The following PRSS23 variants were observed in gnomAD, a reference collection of about 807,000 sequenced individuals.
PRSS23 encodes protease, serine 23.
PRSS23 carries 25 observed loss-of-function variants against 34.7 expected under a neutral mutation model. That is an observed-to-expected ratio of 0.72 (90% confidence interval 0.53 to 1.01). The LOEUF (loss-of-function observed/expected upper bound fraction) is 1.01. PRSS23 is among the 50% of genes least tolerant of loss of function. The pLI, the probability that PRSS23 is intolerant of heterozygous loss-of-function variation, is 0.00. For missense variants in PRSS23, 445 were observed against 475.6 expected, an observed-to-expected ratio of 0.94 and a Z score of 0.60; for synonymous variants, 176 against 186.6, an observed-to-expected ratio of 0.94 and a Z score of 0.46.
intron 2 of PRSS23, among the ~76,000 whole-genome samples, chr11:86,939,954 A>C (rs1159938649): frequency 1.3e-5 from 2 of 152,274 alleles, no homozygotes; most frequent in African/African-American, 4.8e-5. Context: ...AGCAAAGAAA[A>C]CTGTGTCAAG....
At chr11:86,911,169 G>A (rs1373054199) in intron 2 of PRSS23, 1 of 151,972 alleles carries the variant, frequency 6.6e-6, no homozygotes, top group African/African-American at 2.4e-5. Flanking sequence ...ATGATTAGAT[G>A]AATAAATTAA....
chr11:86,918,625 G>A (rs1051886107), intron 2 of PRSS23, among the ~76,000 whole-genome samples: 1 of 152,152 alleles, frequency 6.6e-6, no homozygotes, highest in Non-Finnish European at 1.5e-5. Context: ...CAGACAATTA[G>A]AATGTAGGCT....
intron 1 of PRSS23, among the ~76,000 whole-genome samples, chr11:86,794,504 C>G (rs2135588845): frequency 6.6e-6 from 1 of 152,274 alleles, no homozygotes; most frequent in African/African-American, 2.4e-5. Context: ...AAAGCTTTTA[C>G]TTGCTGTGCA....
Position 86,810,338 on chromosome 11 carries a change from C to G in PRSS23, c.*1543C>G, listed in dbSNP as rs1417427694. On this transcript the variant is annotated 3_prime_UTR_variant, in exon 2 of 2. Coordinates refer to ENST00000280258, the MANE Select transcript of PRSS23 (RefSeq NM_007173.6). The stretch of plus-strand genomic sequence containing the variant: ...GATGGAGCACTGTCACTTAGACATT[C>G]TCTGGGGGATTTTCTGCTTGTCTTT... 1 of 166,768 alleles carries G rather than the reference C, an allele frequency of 6.0e-6. No homozygotes were observed. The highest frequency in any genetic ancestry group is 2.1e-4 in the South Asian group (1 of 4,834). The allele number at this position is 166,768 out of a possible 1,614,324, so 10.3% of individuals were successfully genotyped here. A position where few individuals can be genotyped will look rare whatever the true frequency, so the allele number is the denominator to read the frequency against.
At chr11:86,887,987 G>A (rs1948815082) in intron 2 of PRSS23, among the ~76,000 whole-genome samples, 1 of 151,888 alleles carries the variant, frequency 6.6e-6, no homozygotes. Flanking sequence ...GGGAGGCAGA[G>A]GTTACAGTGC....
chr11:86,931,208 C>T (rs141845595), intron 2 of PRSS23, among the ~76,000 whole-genome samples: 35 of 152,124 alleles, frequency 2.3e-4, no homozygotes, highest in Non-Finnish European at 3.8e-4. Context: ...ATACATCTAC[C>T]CTATGACCTA....
chr11:86,952,772 A>C, exon 3 of PRSS23: 1 of 212,598 alleles, frequency 4.7e-6, no homozygotes. Flanking sequence ...ACTTGAAATA[A>C]ATCTTAAAAA....
In PRSS23 at chr11:86,807,849, GTCATAAGGGAAC is replaced by G. The variant is rs1434419752; in HGVS notation, c.209_220del (p.His70_Thr73del). 6.2e-7 allele frequency: 1 copy of G among 1,614,108 alleles called. No individual in the cohort carries two copies. The highest frequency in any genetic ancestry group is 1.7e-5 in the Admixed American group (1 of 60,024). ...GTATCTTCTTCATGTGGACCCCAGT[GTCATAAGGGAAC>G]TCCACTGCCCACTTACGAAGAGGCC... On this transcript the variant is annotated inframe_deletion, in exon 2 of 2. Coordinates refer to ENST00000280258, the MANE Select transcript of PRSS23 (RefSeq NM_007173.6).
rs1223106874 is a variant in PRSS23, at chr11:86,807,918, C to A, written c.275C>A (p.Ala92Asp). 4.3e-6 allele frequency: 7 copies of A among 1,614,038 alleles called. No homozygotes were observed. Among genetic ancestry groups the A allele is most frequent in the Non-Finnish European group, 5.9e-6 (7 of 1,180,034 alleles). ...KQYLSYETLYANGSRTETQVG... is the reference protein window; with the variant it reads ...KQYLSYETLYDNGSRTETQVG... ...TATCTGTCTTATGAAACGCTCTATG[C>A]CAATGGCAGCCGCACAGAGACGCAG... The change falls in exon 2 of 2, where the codon GCC (alanine) becomes GAC (aspartate). Residue 92 changes from alanine (A) to aspartate (D), a missense_variant. By Grantham distance (126) the Ala-to-Asp change is moderately radical. Coordinates refer to ENST00000280258, the MANE Select transcript of PRSS23 (RefSeq NM_007173.6).
chr11:86,814,926 G>A (rs1222857126), downstream of PRSS23, among the ~76,000 whole-genome samples: 1 of 152,208 alleles, frequency 6.6e-6, no homozygotes. Flanking sequence ...TGTGTATCAA[G>A]TGTGTAAAAA....
chr11:86,918,070 T>A (rs992728794), intron 2 of PRSS23, among the ~76,000 whole-genome samples: 2 of 152,266 alleles, frequency 1.3e-5, no homozygotes, highest in Non-Finnish European at 2.9e-5. Flanking sequence ...TAATGAGGCC[T>A]ATAGCTCTCA....
intron 1 of PRSS23, chr11:86,821,819 T>A (rs1948254480): frequency 1.5e-6 from 1 of 678,706 alleles, no homozygotes; most frequent in Admixed American, 2.8e-5. Flanking sequence ...ATGACCATAG[T>A]GTCAGCGTCT....
rs143757970 is a variant in PRSS23, at chr11:86,951,951, A to G, written c.*666A>G. The G allele has an allele frequency of 4.3e-6, 7 of 1,613,780 alleles. No individual in the cohort carries two copies. In the African/African-American group the frequency reaches 9.3e-5, roughly 22 times the overall value. ...CGGCCTACAGTCAGCCTGACAATATAAGCAATGCTATAAATATTATAGCAC... is the reference window on the plus strand; with the variant it reads ...CGGCCTACAGTCAGCCTGACAATATGAGCAATGCTATAAATATTATAGCAC... On this transcript the variant is annotated 3_prime_UTR_variant, in exon 3 of 3. Coordinates refer to the PRSS23 transcript ENST00000533902.
At chr11:86,855,823 CA>C (rs940152238) in intron 2 of PRSS23, among the ~76,000 whole-genome samples, 4 of 152,152 alleles carry the variant, frequency 2.6e-5, no homozygotes, top group Non-Finnish European at 4.4e-5. Flanking sequence ...CTTGTTCCTA[CA>C]TATAAGTGAG....
chr11:86,842,116 G>C (rs568841968), intron 2 of PRSS23, among the ~76,000 whole-genome samples: 1 of 152,306 alleles, frequency 6.6e-6, no homozygotes, highest in East Asian at 1.9e-4. Flanking sequence ...TGGGATGCAA[G>C]GCTTGTTCAA....
At chr11:86,862,824 G>A (rs552224301) in intron 2 of PRSS23, among the ~76,000 whole-genome samples, 1 of 151,024 alleles carries the variant, frequency 6.6e-6, no homozygotes, top group Non-Finnish European at 1.5e-5. Flanking sequence ...TATCCTAGGG[G>A]GGTGTTATTT....
At chr11:86,800,716 G>C (rs1948025238) in intron 1 of PRSS23, 65 bp downstream of exon 1, 7 of 905,674 alleles carry the variant, frequency 7.7e-6, no homozygotes, top group Admixed American at 6.2e-5. Flanking sequence ...CGGGAGGAGC[G>C]GGACAAAGGG....
chr11:86,802,453 G>A (rs570121848), intron 1 of PRSS23, among the ~76,000 whole-genome samples: 3 of 152,302 alleles, frequency 2.0e-5, no homozygotes, highest in East Asian at 1.9e-4. Context: ...GAACAAGCCC[G>A]ACTGCAGAGT....
intron 2 of PRSS23, among the ~76,000 whole-genome samples, chr11:86,883,025 C>G (rs1948781377): frequency 6.6e-6 from 1 of 152,074 alleles, no homozygotes; most frequent in Non-Finnish European, 1.5e-5. Flanking sequence ...CTGTTCATGG[C>G]CTTTGCCTAC....
Sources: allele counts gnomAD v4.1 joint callset (sites outside exome capture counted in the v4.1 genomes callset), GRCh38; gene constraint gnomAD v4.1.1; transcripts MANE v1.5; gene names NCBI Gene and HGNC (gene_info 2026-07-23, HGNC 2026-07-21).